The following DAB1 variants were observed in gnomAD, a reference collection of about 807,000 sequenced individuals.
DAB1 encodes the protein DAB adaptor protein 1.
DAB1 carries 15 observed loss-of-function variants against 64.6 expected under a neutral mutation model. That is an observed-to-expected ratio of 0.23 (90% confidence interval 0.16 to 0.36). DAB1 has a LOEUF of 0.36. Ranked by LOEUF, DAB1 falls within the 10% of genes least tolerant of loss-of-function variation. The probability of loss-of-function intolerance (pLI) is 1.00; values close to 1 mark genes in which losing one functional copy is unlikely to be tolerated. For synonymous variants in DAB1, 235 were observed against 251.9 expected (o/e 0.93, Z 0.64); for missense variants, 596 against 706.7 (o/e 0.84, Z 1.78).
intron 3 of DAB1, among the ~76,000 whole-genome samples, chr1:58,432,157 T>C (rs1644884479): frequency 6.6e-6 from 1 of 152,216 alleles, no homozygotes; most frequent in African/African-American, 2.4e-5. Context: ...ATGCTCTCCA[T>C]GCCCATCCTT....
In DAB1 at chr1:57,808,253, C is replaced by T. The variant is rs1651461450; in HGVS notation, n.551+75746G>A. Among the ~76,000 whole-genome samples the T allele has an allele frequency of 2.0e-5, 3 of 151,984 alleles. No homozygotes were observed. The South Asian group carries it at 6.2e-4, about 32-fold the overall frequency. ...CCTGAGCCTTTTCACATGCTGTTTT[C>T]TCTCCTTAGAAAAAACTCCTCTAGT... On this transcript the variant is annotated intron_variant and non_coding_transcript_variant, in intron 6 of 20. Coordinates refer to the DAB1 transcript ENST00000485760.
chr1:57,193,536 G>A (rs184006510), intron 2 of DAB1, among the ~76,000 whole-genome samples: 2,751 of 151,704 alleles, frequency 0.018, 75 homozygotes, highest in African/African-American at 0.051. Flanking sequence ...GCAGGCGCCC[G>A]CCACTATGCC....
At chr1:57,236,194 A>T (rs954433028) in intron 2 of DAB1, among the ~76,000 whole-genome samples, 1 of 152,134 alleles carries the variant, frequency 6.6e-6, no homozygotes, top group African/African-American at 2.4e-5. Flanking sequence ...TTCATTCACT[A>T]CCTGCATACC....
intron 3 of DAB1, among the ~76,000 whole-genome samples, chr1:58,359,799 A>G (rs1223857875): frequency 1.3e-5 from 2 of 151,880 alleles, no homozygotes; most frequent in Non-Finnish European, 1.5e-5. Flanking sequence ...TGATGATGAT[A>G]ACAAAGATGA....
At chr1:57,244,176 C>A (rs1048555213) in intron 2 of DAB1, among the ~76,000 whole-genome samples, 1 of 152,186 alleles carries the variant, frequency 6.6e-6, no homozygotes, top group Non-Finnish European at 1.5e-5. Flanking sequence ...CTGTCCCATG[C>A]CCTTTTTAAA....
chr1:57,999,926 AGAAG>A (rs971997481), intron 5 of DAB1, among the ~76,000 whole-genome samples: 4 of 151,148 alleles, frequency 2.6e-5, no homozygotes, highest in African/African-American at 9.7e-5. Flanking sequence ...AAGAAGGAAA[AGAAG>A]GAAGGAGGAA....
intron 7 of DAB1, among the ~76,000 whole-genome samples, chr1:57,492,892 G>T (rs1243609504): frequency 1.3e-5 from 2 of 152,052 alleles, no homozygotes; most frequent in Non-Finnish European, 1.5e-5. Flanking sequence ...CCTTGACTTT[G>T]CTTGGAGAAA....
At chr1:58,378,083 A>G (rs1644347066) in intron 3 of DAB1, among the ~76,000 whole-genome samples, 1 of 135,276 alleles carries the variant, frequency 7.4e-6, no homozygotes, top group South Asian at 2.4e-4. Context: ...ACATTCTTCT[A>G]AATTTTTTTC....
At chr1:58,118,503 T>TATATATACAC (rs1341446315) in intron 5 of DAB1, among the ~76,000 whole-genome samples, 859 of 52,882 alleles carry the variant, frequency 0.016, 24 homozygotes, top group East Asian at 0.05. Context: ...TATATATATA[T>TATATATACAC]ACACACACAC....
chr1:57,222,610 G>C (rs935966102), intron 2 of DAB1, among the ~76,000 whole-genome samples: 6 of 152,100 alleles, frequency 3.9e-5, no homozygotes, highest in African/African-American at 1.4e-4. Context: ...ACCCAGAGAG[G>C]GTGAGCCAGG....
chr1:57,740,046 CAAAAAA>C (rs34382329), intron 6 of DAB1, among the ~76,000 whole-genome samples: 1 of 103,140 alleles, frequency 9.7e-6, no homozygotes, highest in African/African-American at 3.8e-5. Flanking sequence ...ACTACTACTA[CAAAAAA>C]AAAAAAAAAA....
intron 7 of DAB1, among the ~76,000 whole-genome samples, chr1:57,069,787 T>G (rs534602322): frequency 7.2e-5 from 11 of 152,308 alleles, no homozygotes; most frequent in African/African-American, 2.4e-4. Context: ...TCCCAAACTT[T>G]GTAATGTATG....
intron 5 of DAB1, among the ~76,000 whole-genome samples, chr1:57,950,517 C>T (rs761135540): frequency 6.6e-6 from 1 of 152,168 alleles, no homozygotes; most frequent in Non-Finnish European, 1.5e-5. Context: ...GGGATCACTT[C>T]ATTCTCCTGT....
intron 6 of DAB1, among the ~76,000 whole-genome samples, chr1:57,681,415 T>A (rs1330110424): frequency 6.6e-6 from 1 of 152,226 alleles, no homozygotes; most frequent in East Asian, 1.9e-4. Flanking sequence ...GTACTTGGAC[T>A]TCAAGATATC....
intron 4 of DAB1, among the ~76,000 whole-genome samples, chr1:58,235,636 A>G (rs182154893): frequency 7.2e-5 from 11 of 152,296 alleles, no homozygotes; most frequent in Admixed American, 2.0e-4. Flanking sequence ...TCTCTCTTGC[A>G]CTTTGAAATC....
intron 7 of DAB1, among the ~76,000 whole-genome samples, chr1:57,452,954 AAGAC>A (rs950591015): frequency 3.3e-5 from 5 of 151,892 alleles, no homozygotes; most frequent in African/African-American, 1.2e-4. Context: ...GGAAGGGAGG[AAGAC>A]AGAAAGGAAG....
chr1:57,772,586 A>G (rs1157521228), intron 6 of DAB1, among the ~76,000 whole-genome samples: 4 of 152,110 alleles, frequency 2.6e-5, no homozygotes, highest in South Asian at 2.1e-4. Context: ...GTTTAACTTT[A>G]TAAGAAATTG....
intron 4 of DAB1, among the ~76,000 whole-genome samples, chr1:58,308,722 A>G (rs1038189931): frequency 6.6e-6 from 1 of 152,116 alleles, no homozygotes; most frequent in Non-Finnish European, 1.5e-5. Context: ...GCTTGGACCA[A>G]TGTTGCTGCC....
At chr1:57,616,522 A>C (rs1442071893) in intron 7 of DAB1, among the ~76,000 whole-genome samples, 2 of 152,184 alleles carry the variant, frequency 1.3e-5, no homozygotes, top group Admixed American at 1.3e-4. Context: ...CACAATTACC[A>C]TAGGCAATCT....
Sources: gnomAD v4.1 joint callset for allele counts (sites outside exome capture counted in the v4.1 genomes callset) on GRCh38, gnomAD v4.1.1 for gene constraint, MANE v1.5 for transcripts, NCBI Gene and HGNC (gene_info 2026-07-23, HGNC 2026-07-21) for gene names.